RAB38: variants seen among roughly 807,000 people sequenced by gnomAD.
The protein encoded by RAB38 is ras-related protein Rab-38.
Under a neutral mutation model 18.4 loss-of-function variants are expected in RAB38, and 15 were observed. The observed-to-expected ratio is 0.82, with a 90% CI of 0.55 to 1.26. RAB38 has a LOEUF of 1.26. Among genes scored for constraint, RAB38 ranks in the 50% most tolerant of loss-of-function variants. The probability of loss-of-function intolerance (pLI) is 0.00; values close to 1 mark genes in which losing one functional copy is unlikely to be tolerated. For synonymous variants in RAB38, 101 were observed against 104.4 expected (o/e 0.97, Z 0.20); for missense variants, 294 against 267.4 (o/e 1.10, Z -0.69).
the RAB38 span, among the ~76,000 whole-genome samples, chr11:87,915,142 A>T: frequency 6.6e-6 from 1 of 152,152 alleles, no homozygotes; most frequent in South Asian, 2.1e-4. Context: ...CAAATGGAAA[A>T]GTTATAGGCA....
rs376680412 is a variant in RAB38, at chr11:88,116,171, C to T, written c.484-2031G>A. On this transcript the variant is annotated intron_variant, in intron 2 of 2. Transcript: ENST00000243662. Reference sequence around the variant, plus strand: ...CTAGGCAGGGCCTTGCTTTTTGGAACGGACCCAGCTCAACACTTTGTTCCG... The same window carrying T: ...CTAGGCAGGGCCTTGCTTTTTGGAATGGACCCAGCTCAACACTTTGTTCCG... Among the ~76,000 whole-genome samples, 23 of 152,292 alleles carry T rather than the reference C, an allele frequency of 1.5e-4. No individual in the cohort carries two copies. In the South Asian group the frequency reaches 3.5e-3, roughly 23 times the overall value.
intron 1 of RAB38, chr11:88,174,000 A>G (rs1441108340): frequency 1.8e-5 from 18 of 984,978 alleles, no homozygotes; most frequent in Non-Finnish European, 2.0e-5. Context: ...TTTCTGAAAC[A>G]GAAGTGGCTA....
chr11:87,899,079 A>C, the RAB38 span, among the ~76,000 whole-genome samples: 1 of 151,776 alleles, frequency 6.6e-6, no homozygotes, highest in Non-Finnish European at 1.5e-5. Flanking sequence ...GATAATAATT[A>C]GAGCCCTCAA....
chr11:87,903,104 T>C, the RAB38 span, among the ~76,000 whole-genome samples: 3 of 151,370 alleles, frequency 2.0e-5, no homozygotes, highest in South Asian at 6.2e-4. Flanking sequence ...GAATGTCTAA[T>C]ATGATGTTTA....
the RAB38 span, among the ~76,000 whole-genome samples, chr11:88,107,819 T>C: frequency 6.6e-6 from 1 of 152,172 alleles, no homozygotes; most frequent in South Asian, 2.1e-4. Flanking sequence ...GTCTATTGTG[T>C]CTTTGTTCTC....
Position 88,158,404 on chromosome 11 carries a change from G to A in RAB38, c.203-8449C>T, listed in dbSNP as rs185452490. ...AAACTATTTCAAAAAATCAGGAAGC[G>A]TCTCCTCCCTAACTCATTCTAGAAA... On this transcript the variant is annotated intron_variant, in intron 1 of 2. Transcript: ENST00000243662. Among the ~76,000 whole-genome samples the A allele has an allele frequency of 2.9e-3, 440 of 151,934 alleles. 1 individual carries two copies. The highest frequency in any genetic ancestry group is 9.5e-3 in the African/African-American group (396 of 41,504).
the RAB38 span, among the ~76,000 whole-genome samples, chr11:87,963,256 A>G: frequency 6.6e-6 from 1 of 152,168 alleles, no homozygotes; most frequent in Admixed American, 6.6e-5. Flanking sequence ...ACATATCCAC[A>G]GAGCCCTCTG....
chr11:87,820,380 A>G, the RAB38 span, among the ~76,000 whole-genome samples: 1 of 152,230 alleles, frequency 6.6e-6, no homozygotes, highest in Non-Finnish European at 1.5e-5. Context: ...CTGAAGAAAC[A>G]ATTGTCTTTT....
the RAB38 span, among the ~76,000 whole-genome samples, chr11:87,840,131 G>C: frequency 7.9e-5 from 12 of 152,144 alleles, no homozygotes; most frequent in Admixed American, 7.2e-4. Flanking sequence ...AGAGAGAAAG[G>C]AGACATAGAA....
At chr11:88,049,209 A>G in the RAB38 span, among the ~76,000 whole-genome samples, 2 of 152,152 alleles carry the variant, frequency 1.3e-5, no homozygotes, top group Non-Finnish European at 2.9e-5. Flanking sequence ...TTATTAATAG[A>G]AGACAGGAAT....
At chr11:87,923,353 G>T in the RAB38 span, among the ~76,000 whole-genome samples, 1 of 151,730 alleles carries the variant, frequency 6.6e-6, no homozygotes, top group East Asian at 1.9e-4. Flanking sequence ...ACTTTTTAGA[G>T]AATTTATTCA....
the RAB38 span, among the ~76,000 whole-genome samples, chr11:88,030,515 A>C: frequency 6.6e-6 from 1 of 152,206 alleles, no homozygotes; most frequent in Non-Finnish European, 1.5e-5. Context: ...GAGAAGAATC[A>C]AATAGACGCA....
the RAB38 span, among the ~76,000 whole-genome samples, chr11:87,965,928 C>T: frequency 7.9e-5 from 12 of 152,112 alleles, no homozygotes; most frequent in Non-Finnish European, 2.9e-5. Context: ...CATGCTCTGC[C>T]TTAAGAAAAC....
the RAB38 span, among the ~76,000 whole-genome samples, chr11:88,053,138 AAT>A: frequency 6.9e-5 from 4 of 58,080 alleles, no homozygotes; most frequent in East Asian, 3.6e-4. Flanking sequence ...TTATATATAC[AAT>A]ATATATGGAA....
chr11:88,114,252 T>C, intron 2 of RAB38, 112 bp from the exon 3 acceptor site: 1 of 1,105,632 alleles, frequency 9.0e-7, no homozygotes, highest in Non-Finnish European at 1.3e-6. Context: ...ATGCTACATA[T>C]GCATCCCCCT....
chr11:87,896,710 T>G, the RAB38 span, among the ~76,000 whole-genome samples: 1 of 151,628 alleles, frequency 6.6e-6, no homozygotes, highest in Non-Finnish European at 1.5e-5. Context: ...AGGTCCCGAA[T>G]GTGCTTGTTG....
At chr11:88,149,603 A>C in intron 2 of RAB38, 72 bp downstream of exon 2, 1 of 1,467,734 alleles carries the variant, frequency 6.8e-7, no homozygotes, top group Non-Finnish European at 9.3e-7. Flanking sequence ...CATTATGATG[A>C]TGGTGATGAT....
chr11:88,143,073 G>A (rs550755383), intron 2 of RAB38, among the ~76,000 whole-genome samples: 4 of 152,214 alleles, frequency 2.6e-5, no homozygotes, highest in Non-Finnish European at 5.9e-5. Flanking sequence ...ATACGGTAGT[G>A]CAATGTGGTG....
At chr11:87,811,133 C>G in the RAB38 span, among the ~76,000 whole-genome samples, 4 of 152,172 alleles carry the variant, frequency 2.6e-5, no homozygotes, top group African/African-American at 9.7e-5. Context: ...GCCCTCCTTA[C>G]CCCTGGGAAC....
Sources: allele counts gnomAD v4.1 joint callset (sites outside exome capture counted in the v4.1 genomes callset), GRCh38; gene constraint gnomAD v4.1.1; transcripts MANE v1.5; gene names NCBI Gene and HGNC (gene_info 2026-07-23, HGNC 2026-07-21).